ARHGEF33: variants seen among roughly 807,000 people sequenced by gnomAD.
ARHGEF33 encodes the protein DH and coiled-coil domain-containing protein ENSP00000381780.
In ARHGEF33, 72 loss-of-function variants were observed where a neutral mutation model predicts 101.9. That is an observed-to-expected ratio of 0.71 (90% CI 0.58 to 0.86). ARHGEF33 has a LOEUF of 0.86. Among genes scored for constraint, ARHGEF33 ranks in the 40% least tolerant of loss-of-function variants. ARHGEF33 has a pLI of 0.00. For missense variants in ARHGEF33, 1,169 were observed against 1,111.3 expected, an observed-to-expected ratio of 1.05 and a Z score of -0.74; for synonymous variants, 499 against 442.5, an observed-to-expected ratio of 1.13 and a Z score of -1.60.
At chr2:38,969,507 C>A (rs918674146) in intron 17 of ARHGEF33, 1 of 169,338 alleles carries the variant, frequency 5.9e-6, no homozygotes. Context: ...GGTTCTCTTC[C>A]CTCTGAGGCT....
At chr2:38,892,314 C>T (rs1266145994) in intron 1 of ARHGEF33, among the ~76,000 whole-genome samples, 2 of 152,130 alleles carry the variant, frequency 1.3e-5, no homozygotes, top group African/African-American at 4.8e-5. Flanking sequence ...CTGGAAAATT[C>T]TTATGCTCTC....
chr2:38,961,461 G>C (rs552039968), intron 16 of ARHGEF33, among the ~76,000 whole-genome samples: 1 of 152,298 alleles, frequency 6.6e-6, no homozygotes, highest in Admixed American at 6.5e-5. Flanking sequence ...TATCCATGAA[G>C]TGCTAATAGT....
chr2:38,947,459 A>G (rs1262597361), intron 10 of ARHGEF33, among the ~76,000 whole-genome samples: 1 of 152,182 alleles, frequency 6.6e-6, no homozygotes, highest in African/African-American at 2.4e-5. Context: ...GCCCAGTCAC[A>G]GCTCACTGCA....
At chr2:38,909,221 G>C (rs1322997407) in intron 2 of ARHGEF33, among the ~76,000 whole-genome samples, 1 of 152,208 alleles carries the variant, frequency 6.6e-6, no homozygotes, top group Admixed American at 6.5e-5. Flanking sequence ...GGTCACGTAA[G>C]GGGCTGACTT....
intron 9 of ARHGEF33, among the ~76,000 whole-genome samples, chr2:38,941,429 A>G (rs1386844960): frequency 6.6e-6 from 1 of 152,192 alleles, no homozygotes; most frequent in African/African-American, 2.4e-5. Flanking sequence ...CAAATAAGAC[A>G]TCTTTTTTCC....
At chr2:38,911,415 C>T (rs1381341245) in intron 2 of ARHGEF33, among the ~76,000 whole-genome samples, 3 of 152,110 alleles carry the variant, frequency 2.0e-5, no homozygotes, top group African/African-American at 7.2e-5. Flanking sequence ...TTCAATTCCC[C>T]AAAGTGCCAA....
chr2:38,943,210 G>T (rs867233051), intron 9 of ARHGEF33, among the ~76,000 whole-genome samples: 1 of 152,226 alleles, frequency 6.6e-6, no homozygotes, highest in Admixed American at 6.5e-5. Flanking sequence ...TTACAGGCAT[G>T]AGCCACCATG....
chr2:38,935,961 G>C, intron 8 of ARHGEF33, 127 bp downstream of exon 8: 1 of 789,574 alleles, frequency 1.3e-6, no homozygotes, highest in South Asian at 1.8e-5. Context: ...ATAAAGTTAT[G>C]AAGTTACGAA....
intron 2 of ARHGEF33, among the ~76,000 whole-genome samples, chr2:38,914,628 C>G (rs181189806): frequency 6.9e-6 from 1 of 144,664 alleles, no homozygotes; most frequent in Admixed American, 7.1e-5. Context: ...GATCTCACCA[C>G]TGTACTCCAG....
At chr2:38,964,223 C>T (rs1228146601) in intron 16 of ARHGEF33, among the ~76,000 whole-genome samples, 1 of 152,060 alleles carries the variant, frequency 6.6e-6, no homozygotes, top group Non-Finnish European at 1.5e-5. Context: ...GTGGCAGTCT[C>T]ATGATATTCT....
At chr2:38,901,228 C>A (rs1666230572) in intron 2 of ARHGEF33, among the ~76,000 whole-genome samples, 1 of 152,204 alleles carries the variant, frequency 6.6e-6, no homozygotes, top group Non-Finnish European at 1.5e-5. Flanking sequence ...ACACAAGAGA[C>A]TTTCCTTAAG....
At chr2:38,931,910 C>T (rs1030558171) in intron 7 of ARHGEF33, among the ~76,000 whole-genome samples, 3 of 152,118 alleles carry the variant, frequency 2.0e-5, no homozygotes, top group Non-Finnish European at 4.4e-5. Context: ...TATGGTCTCA[C>T]GTAGAAAGTC....
intron 8 of ARHGEF33, 39 bp downstream of exon 8, chr2:38,935,873 A>T (rs778810145): frequency 6.8e-6 from 10 of 1,480,764 alleles, no homozygotes; most frequent in Non-Finnish European, 8.3e-6. Flanking sequence ...TCTTCCAGCA[A>T]TTCCATTATT....
chr2:38,940,850 G>A (rs1380061239), intron 9 of ARHGEF33, among the ~76,000 whole-genome samples: 1 of 152,146 alleles, frequency 6.6e-6, no homozygotes, highest in African/African-American at 2.4e-5. Flanking sequence ...ATAATTTGGT[G>A]GGCAGGGGGT....
intron 7 of ARHGEF33, among the ~76,000 whole-genome samples, chr2:38,932,114 T>C (rs1356188708): frequency 6.6e-6 from 1 of 152,216 alleles, no homozygotes; most frequent in Non-Finnish European, 1.5e-5. Context: ...TTTGCCTTTT[T>C]AATATTTTTT....
intron 16 of ARHGEF33, 71 bp downstream of exon 16, chr2:38,960,719 G>T: frequency 8.3e-7 from 1 of 1,198,616 alleles, no homozygotes; most frequent in Middle Eastern, 2.3e-4. Context: ...AGCATCCCGA[G>T]TTCTCCTAGC....
intron 17 of ARHGEF33, among the ~76,000 whole-genome samples, chr2:38,966,909 G>C (rs72799421): frequency 4.9e-4 from 75 of 152,306 alleles, no homozygotes; most frequent in Non-Finnish European, 8.7e-4. Flanking sequence ...GCCTGCCTGA[G>C]AGACTGCTGT....
At chr2:38,945,106 A>G (rs1667409567) in intron 10 of ARHGEF33, among the ~76,000 whole-genome samples, 1 of 152,214 alleles carries the variant, frequency 6.6e-6, no homozygotes, top group African/African-American at 2.4e-5. Context: ...GGCCAATCCA[A>G]AAGAATGGAA....
chr2:38,900,948 T>C (rs1666225554), intron 2 of ARHGEF33, among the ~76,000 whole-genome samples: 1 of 152,000 alleles, frequency 6.6e-6, no homozygotes, highest in African/African-American at 2.4e-5. Context: ...ACAGTTCAGC[T>C]CTGGCCTCAC....
Sources: gnomAD v4.1 joint callset for allele counts (sites outside exome capture counted in the v4.1 genomes callset) on GRCh38, gnomAD v4.1.1 for gene constraint, MANE v1.5 for transcripts, NCBI Gene and HGNC (gene_info 2026-07-23, HGNC 2026-07-21) for gene names.